The following PRKG1 variants were observed in gnomAD, a reference collection of about 807,000 sequenced individuals.
PRKG1 encodes cGMP-dependent protein kinase 1.
A neutral mutation model predicts 88.1 loss-of-function variants in PRKG1; 35 were observed. That is an observed-to-expected ratio of 0.40 (90% CI 0.30 to 0.53). PRKG1 has a LOEUF of 0.53. PRKG1 is among the 20% of genes least tolerant of loss of function. The pLI is 0.59. For missense variants in PRKG1, 540 were observed against 839.8 expected, an observed-to-expected ratio of 0.64 and a Z score of 4.41; for synonymous variants, 303 against 292.5, an observed-to-expected ratio of 1.04 and a Z score of -0.37.
At chr10:51,728,466 T>G (rs12242922) in intron 3 of PRKG1, among the ~76,000 whole-genome samples, 2 of 148,562 alleles carry the variant, frequency 1.3e-5, no homozygotes, top group Admixed American at 6.7e-5. Context: ...TTTTTTTTTT[T>G]TTTTTTTTTT....
chr10:51,985,795 TAGTC>T (rs1418633398), intron 5 of PRKG1, among the ~76,000 whole-genome samples: 2 of 152,204 alleles, frequency 1.3e-5, no homozygotes, highest in Non-Finnish European at 2.9e-5. Flanking sequence ...CCAGGTGTCT[TAGTC>T]AGTTTGGGCT....
intron 5 of PRKG1, among the ~76,000 whole-genome samples, chr10:52,039,819 C>T (rs906876002): frequency 8.5e-5 from 13 of 152,182 alleles, no homozygotes; most frequent in Non-Finnish European, 1.6e-4. Context: ...AAATCCTTTT[C>T]TTCCTTTGTC....
chr10:51,074,269 C>T (rs891436073), upstream of PRKG1: 4 of 286,974 alleles, frequency 1.4e-5, no homozygotes, highest in African/African-American at 2.2e-5. Context: ...CCCGCTCCCC[C>T]GCCACCGCGC....
chr10:51,005,520 G>A lies in PRKG1; in HGVS notation c.266+13876G>A, dbSNP rs562207721. 2.6e-5 allele frequency among the ~76,000 whole-genome samples: 4 copies of A among 152,292 alleles called. No individual in the cohort carries two copies. The South Asian group carries it at 8.3e-4, about 32-fold the overall frequency. On this transcript the variant is annotated intron_variant, in intron 1 of 17. Coordinates refer to the PRKG1 transcript ENST00000401604. ...TGTAAATTGGAACAATAGGACAAAA[G>A]GAAATGAGATGGTTTAGGTATTATT...
intron 2 of PRKG1, among the ~76,000 whole-genome samples, chr10:51,424,429 T>TA (rs1159310365): frequency 6.6e-6 from 1 of 152,214 alleles, no homozygotes; most frequent in Non-Finnish European, 1.5e-5. Context: ...AGATTTTTTT[T>TA]AAAAAAGGAA....
At chr10:52,056,986 C>A (rs1286180248) in intron 6 of PRKG1, among the ~76,000 whole-genome samples, 3 of 152,050 alleles carry the variant, frequency 2.0e-5, no homozygotes, top group African/African-American at 7.2e-5. Flanking sequence ...AGTTGTGGAA[C>A]TGGAATTTTC....
chr10:51,048,363 C>T (rs1052185734), intron 1 of PRKG1, among the ~76,000 whole-genome samples: 6 of 152,024 alleles, frequency 3.9e-5, no homozygotes, highest in Admixed American at 6.6e-5. Context: ...TATTTTAACA[C>T]CATTGTTCAA....
chr10:51,358,938 G>T (rs936597279), intron 2 of PRKG1, among the ~76,000 whole-genome samples: 1 of 150,124 alleles, frequency 6.7e-6, no homozygotes, highest in Non-Finnish European at 1.5e-5. Context: ...ATTTATTGGG[G>T]GGGGGGGTGT....
intron 2 of PRKG1, among the ~76,000 whole-genome samples, chr10:51,355,997 C>A (rs1842358487): frequency 6.6e-6 from 1 of 152,036 alleles, no homozygotes; most frequent in Non-Finnish European, 1.5e-5. Context: ...TTTATATAGA[C>A]AGATCCTGCT....
chr10:52,142,973 G>T (rs536752014), intron 8 of PRKG1, among the ~76,000 whole-genome samples: 21 of 152,072 alleles, frequency 1.4e-4, no homozygotes, highest in Non-Finnish European at 2.5e-4. Flanking sequence ...TGAAATGAAC[G>T]AATGAATGAA....
intron 3 of PRKG1, among the ~76,000 whole-genome samples, chr10:51,754,362 C>T (rs150486690): frequency 5.2e-4 from 79 of 152,334 alleles, no homozygotes; most frequent in African/African-American, 1.9e-3. Context: ...GGCAAGGAGT[C>T]AATTAACTTC....
intron 6 of PRKG1, among the ~76,000 whole-genome samples, chr10:52,056,411 C>A (rs1903997): frequency 0.38 from 58,284 of 152,066 alleles, 12,279 homozygotes; most frequent in Admixed American, 0.49. Flanking sequence ...TTCTGACAGT[C>A]TTTTGTTACC....
intron 2 of PRKG1, among the ~76,000 whole-genome samples, chr10:51,374,944 A>G (rs1842787626): frequency 1.3e-5 from 2 of 152,166 alleles, no homozygotes; most frequent in East Asian, 1.9e-4. Context: ...GGGCCTCTCC[A>G]TATGGCAGTT....
chr10:52,054,868 C>T (rs1174889101), intron 6 of PRKG1, among the ~76,000 whole-genome samples: 2 of 152,164 alleles, frequency 1.3e-5, no homozygotes, highest in African/African-American at 4.8e-5. Context: ...GATGTGATGG[C>T]TCATGCCTGT....
intron 2 of PRKG1, among the ~76,000 whole-genome samples, chr10:51,465,537 G>A (rs1839882418): frequency 6.6e-6 from 1 of 152,166 alleles, no homozygotes; most frequent in South Asian, 2.1e-4. Flanking sequence ...CCACTAGGCT[G>A]TGAGGGCTGA....
chr10:51,113,989 C>T (rs1308565366), intron 1 of PRKG1, among the ~76,000 whole-genome samples: 1 of 131,688 alleles, frequency 7.6e-6, no homozygotes, highest in African/African-American at 3.1e-5. Flanking sequence ...GTGTGTGTTG[C>T]TTTGATCATT....
At chr10:52,147,016 T>C (rs543371854) in intron 8 of PRKG1, among the ~76,000 whole-genome samples, 1 of 152,306 alleles carries the variant, frequency 6.6e-6, no homozygotes, top group Non-Finnish European at 1.5e-5. Context: ...TTTCTTGCAG[T>C]TGAGACATGG....
intron 7 of PRKG1, among the ~76,000 whole-genome samples, chr10:52,126,838 G>A (rs1161998346): frequency 2.6e-5 from 4 of 152,188 alleles, no homozygotes; most frequent in African/African-American, 7.2e-5. Flanking sequence ...GCAGCAGAGG[G>A]TCGTCAGTAT....
In PRKG1 at chr10:51,595,116, G is replaced by A. The variant is rs116163093; in HGVS notation, c.592+127280G>A. 2.3e-3 allele frequency among the ~76,000 whole-genome samples: 357 copies of A among 152,260 alleles called. 1 individual carries two copies. The highest frequency in any genetic ancestry group is 8.0e-3 in the African/African-American group (333 of 41,540). On this transcript the variant is annotated intron_variant, in intron 3 of 17. Coordinates refer to ENST00000373980, the MANE Select transcript of PRKG1 (RefSeq NM_006258.4). ...AACCCCAGCATTTTGGAAAGCCAAG[G>A]CAGAAAGATTGCTTGGGTCCAGCAG...
Sources: gnomAD v4.1 joint callset for allele counts (sites outside exome capture counted in the v4.1 genomes callset) on GRCh38, gnomAD v4.1.1 for gene constraint, MANE v1.5 for transcripts, NCBI Gene and HGNC (gene_info 2026-07-23, HGNC 2026-07-21) for gene names.